The following CACNB2 variants were observed in gnomAD, a reference collection of about 807,000 sequenced individuals.
The protein encoded by CACNB2 is voltage-dependent L-type calcium channel subunit beta-2.
Under a neutral mutation model 73.3 loss-of-function variants are expected in CACNB2, and 42 were observed. The observed-to-expected ratio is 0.57, with a 90% CI of 0.45 to 0.74. The LOEUF is 0.74. CACNB2 is among the 30% of genes least tolerant of loss of function. The pLI, the probability that CACNB2 is intolerant of heterozygous loss-of-function variation, is 0.00. For synonymous variants in CACNB2, 348 were observed against 310.3 expected (o/e 1.12, Z -1.28); for missense variants, 940 against 853.0 (o/e 1.10, Z -1.27).
intron 3 of CACNB2, among the ~76,000 whole-genome samples, chr10:18,440,583 G>A (rs1321540056): frequency 6.6e-6 from 1 of 152,176 alleles, no homozygotes. Flanking sequence ...AGAGGTTGCA[G>A]TGAGTTGTGA....
At chr10:18,146,306 A>ATTTTT (rs10714038) in intron 1 of CACNB2, among the ~76,000 whole-genome samples, 4,786 of 118,694 alleles carry the variant, frequency 0.04, 139 homozygotes, top group African/African-American at 0.066. Context: ...ATGGAGACTA[A>ATTTTT]TTTTTTTTTT....
At chr10:18,367,612 A>G (rs968060786) in intron 2 of CACNB2, among the ~76,000 whole-genome samples, 2 of 152,192 alleles carry the variant, frequency 1.3e-5, no homozygotes, top group African/African-American at 4.8e-5. Flanking sequence ...TTAAGAGTAT[A>G]TAACTAATTA....
intron 2 of CACNB2, among the ~76,000 whole-genome samples, chr10:18,321,385 A>G (rs1745904261): frequency 6.6e-6 from 1 of 152,224 alleles, no homozygotes; most frequent in South Asian, 2.1e-4. Flanking sequence ...AATTTATTTC[A>G]CCAGCTACCA....
chr10:18,462,868 C>G (rs1012029926), intron 3 of CACNB2, among the ~76,000 whole-genome samples: 2 of 152,118 alleles, frequency 1.3e-5, no homozygotes, highest in African/African-American at 4.8e-5. Context: ...AAGAGATTCT[C>G]CTGCCTCAGC....
intron 2 of CACNB2, among the ~76,000 whole-genome samples, chr10:18,189,744 A>G (rs143358615): frequency 6.6e-6 from 1 of 152,316 alleles, no homozygotes; most frequent in East Asian, 1.9e-4. Context: ...AACAGTGTGA[A>G]TACTTTTCAA....
At chr10:18,250,356 A>G (rs2037039841) in intron 2 of CACNB2, among the ~76,000 whole-genome samples, 1 of 152,240 alleles carries the variant, frequency 6.6e-6, no homozygotes, top group South Asian at 2.1e-4. Flanking sequence ...GGCTTCATCC[A>G]TAGGCAACTT....
At chr10:18,157,744 A>T (rs1363913429) in intron 2 of CACNB2, among the ~76,000 whole-genome samples, 1 of 152,218 alleles carries the variant, frequency 6.6e-6, no homozygotes, top group East Asian at 1.9e-4. Context: ...CCTTGTAGCT[A>T]AAGGAAATGA....
chr10:18,216,448 G>A (rs1398099290), intron 2 of CACNB2, among the ~76,000 whole-genome samples: 1 of 152,106 alleles, frequency 6.6e-6, no homozygotes, highest in Non-Finnish European at 1.5e-5. Context: ...AAACCAAAAA[G>A]CTACATGGTG....
chr10:18,199,021 G>A (rs931660260), intron 2 of CACNB2, among the ~76,000 whole-genome samples: 5 of 151,972 alleles, frequency 3.3e-5, no homozygotes, highest in South Asian at 2.1e-4. Context: ...AGATGCATTC[G>A]TGATTCTCCT....
rs149110391 is a variant in CACNB2 at position 18,333,576 on chromosome 10, A to G, written c.214-68348A>G. Among the ~76,000 whole-genome samples the G allele has an allele frequency of 3.3e-5, 5 of 152,220 alleles. No homozygotes were observed. The East Asian group carries it at 9.6e-4, about 29-fold the overall frequency. On this transcript the variant is annotated intron_variant, in intron 2 of 13. Coordinates refer to ENST00000324631, the MANE Select transcript of CACNB2 (RefSeq NM_201596.3). ...TTTCCTACTTTTATTTTTTGAGAAAAGCATGTGTTGGCTGTTATTTACCAA... is the reference window on the plus strand; with the variant it reads ...TTTCCTACTTTTATTTTTTGAGAAAGGCATGTGTTGGCTGTTATTTACCAA...
intron 2 of CACNB2, among the ~76,000 whole-genome samples, chr10:18,232,462 A>G (rs940862897): frequency 2.0e-5 from 3 of 152,176 alleles, no homozygotes; most frequent in South Asian, 2.1e-4. Flanking sequence ...TAAGAAAGGT[A>G]TAGGAAAGGA....
chr10:18,324,851 G>A (rs540756746), intron 2 of CACNB2, among the ~76,000 whole-genome samples: 19 of 152,218 alleles, frequency 1.2e-4, no homozygotes, highest in African/African-American at 3.9e-4. Context: ...GCAACAGAGC[G>A]TGACTCCATG....
intron 3 of CACNB2, among the ~76,000 whole-genome samples, chr10:18,488,556 A>C (rs1225700815): frequency 6.6e-6 from 1 of 150,630 alleles, no homozygotes; most frequent in Non-Finnish European, 1.5e-5. Flanking sequence ...TTTTAAGTGC[A>C]TCTTTGTACT....
At chr10:18,503,226 C>G (rs1281526944) in intron 5 of CACNB2, among the ~76,000 whole-genome samples, 1 of 152,220 alleles carries the variant, frequency 6.6e-6, no homozygotes, top group Admixed American at 6.5e-5. Flanking sequence ...AGGATTCTTT[C>G]AATCCTTAAT....
intron 3 of CACNB2, among the ~76,000 whole-genome samples, chr10:18,456,021 T>C (rs1303775083): frequency 1.3e-5 from 2 of 152,220 alleles, no homozygotes; most frequent in Non-Finnish European, 2.9e-5. Context: ...TTTCCTGCGT[T>C]TACAGACATC....
chr10:18,539,212 T>C lies in CACNB2; in HGVS notation c.1489-18T>C, dbSNP rs761175231. ...CACTGACCTTGGTTAACGCCTGGTG[T>C]GCTCCTTTCGCTGCCAGGGTTCTCA... On this transcript the variant is annotated intron_variant, in intron 13 of 13. Coordinates refer to ENST00000324631, the MANE Select transcript of CACNB2 (RefSeq NM_201596.3). The C allele has an allele frequency of 2.5e-6, 4 of 1,613,836 alleles. No individual in the cohort carries two copies. The highest frequency in any genetic ancestry group is 1.7e-5 in the Admixed American group (1 of 59,990).
In CACNB2 at chr10:18,518,405, A is replaced by G. The variant is rs1464464382; in HGVS notation, c.874A>G (p.Lys292Glu). The part of the protein sequence containing the change: ...RPVVLVGPSL[K>E]GYEVTDMMQK... ...AGTGGTCCTAGTGGGCCCTTCTCTG[A>G]AGGGCTACGAGGTGGGTAGCAGCCT... The change falls in exon 8 of 14, where the codon AAG becomes GAG. Residue 292 changes from lysine to glutamate, a missense_variant. Transcript: ENST00000324631. The G allele has an allele frequency of 6.2e-7, 1 of 1,609,292 alleles. No individual in the cohort carries two copies. The highest frequency in any genetic ancestry group is 8.5e-7 in the Non-Finnish European group (1 of 1,175,856).
At position 18,216,453 on chromosome 10, in the gene CACNB2, A is replaced by G. The variant is rs78999708; in HGVS notation, c.213+65478A>G. Among the ~76,000 whole-genome samples the G allele has an allele frequency of 3.8e-3, 574 of 152,328 alleles. 22 individuals carry two copies. The East Asian group carries it at 0.082, about 22-fold the overall frequency. ...AGTCTTAAGCAAACCAAAAAGCTAC[A>G]TGGTGATTATTATGAGTGGACATAT... On this transcript the variant is annotated intron_variant, in intron 2 of 13. Transcript: ENST00000324631.
intron 2 of CACNB2, among the ~76,000 whole-genome samples, chr10:18,170,415 A>ATT (rs1456688275): frequency 1.3e-5 from 2 of 152,168 alleles, no homozygotes; most frequent in Admixed American, 6.5e-5. Flanking sequence ...TTTTCAAACT[A>ATT]TAGTGCACCC....
Sources: gnomAD v4.1 joint callset for allele counts (sites outside exome capture counted in the v4.1 genomes callset) on GRCh38, gnomAD v4.1.1 for gene constraint, MANE v1.5 for transcripts, NCBI Gene and HGNC (gene_info 2026-07-23, HGNC 2026-07-21) for gene names.